HIVEP3: variants seen among roughly 807,000 people sequenced by gnomAD.
HIVEP3 encodes HIVEP zinc finger 3, also known as transcription factor HIVEP3.
HIVEP3 carries 49 observed loss-of-function variants against 152.8 expected under a neutral mutation model. That is an observed-to-expected ratio of 0.32 (90% confidence interval 0.26 to 0.41). The LOEUF (loss-of-function observed/expected upper bound fraction) is 0.41. Among genes scored for constraint, HIVEP3 ranks in the 10% least tolerant of loss-of-function variants. The pLI, the probability that HIVEP3 is intolerant of heterozygous loss-of-function variation, is 1.00. For synonymous variants in HIVEP3, 1,269 were observed against 1,289.0 expected (o/e 0.98, Z 0.33); for missense variants, 2,790 against 3,103.3 (o/e 0.90, Z 2.40).
Position 41,607,593 on chromosome 1 carries a change from CT to C in HIVEP3, c.-522+21155del, listed in dbSNP as rs1191196930. ...CTGTTTCCTTTGAAATAAGCTCTTC[CT>C]TTTTTTTTTCTTTTTTCCATTTTAG... On this transcript the variant is annotated intron_variant, in intron 3 of 8. Transcript: ENST00000372583. Among the ~76,000 whole-genome samples the C allele has an allele frequency of 5.7e-4, 85 of 148,934 alleles. 1 individual carries two copies. Among genetic ancestry groups the C allele is most frequent in the African/African-American group, 1.7e-3 (69 of 40,646 alleles).
intron 7 of HIVEP3, among the ~76,000 whole-genome samples, chr1:41,515,834 G>GT (rs1355527147): frequency 6.6e-6 from 1 of 152,280 alleles, no homozygotes; most frequent in African/African-American, 2.4e-5. Context: ...CTGGCACACA[G>GT]TAAGTACCCA....
At chr1:41,901,002 G>A (rs1031853307) in intron 1 of HIVEP3, among the ~76,000 whole-genome samples, 3 of 152,122 alleles carry the variant, frequency 2.0e-5, no homozygotes, top group Non-Finnish European at 4.4e-5. Context: ...GGAATCTCCT[G>A]CAGCAGTCAA....
intron 1 of HIVEP3, among the ~76,000 whole-genome samples, chr1:41,861,463 G>T (rs1292576300): frequency 1.3e-5 from 2 of 152,256 alleles, no homozygotes; most frequent in Non-Finnish European, 2.9e-5. Context: ...CAAGAGGGCA[G>T]CTGGCATTTT....
At position 41,510,971 on chromosome 1, in the gene HIVEP3, CCT is replaced by C. The variant is rs1197843781; in HGVS notation, c.6699_6700del (p.Ala2235ProfsTer13). On this transcript the variant is annotated frameshift_variant, in exon 9 of 9. Coordinates refer to ENST00000372583, the MANE Select transcript of HIVEP3 (RefSeq NM_024503.5). LOFTEE classifies it high-confidence loss of function. Reference sequence around the variant, plus strand: ...GCCTCGCTCCTGGGCCTCCCGGGCCCCTGTCAGGTCGCTGCCACCCCCGGAGA... The same window carrying C: ...GCCTCGCTCCTGGGCCTCCCGGGCCCGTCAGGTCGCTGCCACCCCCGGAGA... 1.7e-5 allele frequency: 28 copies of C among 1,613,408 alleles called. No homozygotes were observed. The highest frequency in any genetic ancestry group is 4.5e-5 in the East Asian group (2 of 44,876).
intron 1 of HIVEP3, among the ~76,000 whole-genome samples, chr1:41,798,891 T>C (rs1395636224): frequency 1.3e-5 from 2 of 152,214 alleles, no homozygotes; most frequent in African/African-American, 2.4e-5. Context: ...GCTTGACTCT[T>C]GTAATATCAT....
intron 1 of HIVEP3, among the ~76,000 whole-genome samples, chr1:42,007,263 T>C (rs1645465407): frequency 6.6e-6 from 1 of 152,212 alleles, no homozygotes; most frequent in Non-Finnish European, 1.5e-5. Context: ...GGGATGTGAA[T>C]ACCCCAGTCC....
intron 1 of HIVEP3, among the ~76,000 whole-genome samples, chr1:41,974,982 A>G (rs138215606): frequency 6.6e-6 from 1 of 152,136 alleles, no homozygotes; most frequent in African/African-American, 2.4e-5. Context: ...AGCTGAGTCC[A>G]TTTCTGGGCA....
At chr1:41,957,219 TAA>T (rs1645144796) in intron 1 of HIVEP3, among the ~76,000 whole-genome samples, 2 of 116,502 alleles carry the variant, frequency 1.7e-5, no homozygotes, top group African/African-American at 2.8e-5. Flanking sequence ...CCAAAAAAAC[TAA>T]AAGTTTTGCC....
At chr1:41,874,743 T>C (rs1644139607) in intron 1 of HIVEP3, among the ~76,000 whole-genome samples, 2 of 152,132 alleles carry the variant, frequency 1.3e-5, no homozygotes, top group African/African-American at 4.8e-5. Flanking sequence ...CCATGGCTGA[T>C]TTTACAGACA....
intron 5 of HIVEP3, among the ~76,000 whole-genome samples, chr1:41,535,125 A>G (rs1289027057): frequency 6.6e-6 from 1 of 152,120 alleles, no homozygotes; most frequent in African/African-American, 2.4e-5. Flanking sequence ...CCCAGCCAGC[A>G]ATTTTACCAC....
intron 3 of HIVEP3, among the ~76,000 whole-genome samples, chr1:41,595,749 C>T (rs1316544092): frequency 6.6e-6 from 1 of 152,136 alleles, no homozygotes; most frequent in Non-Finnish European, 1.5e-5. Context: ...AGGATAAAAG[C>T]AGGTAGAAGA....
chr1:42,019,196 A>G (rs1406486087), intron 1 of HIVEP3, among the ~76,000 whole-genome samples: 1 of 152,036 alleles, frequency 6.6e-6, no homozygotes, highest in African/African-American at 2.4e-5. Context: ...CCTCCTTCAT[A>G]TTCTTAATTA....
intron 2 of HIVEP3, among the ~76,000 whole-genome samples, chr1:41,696,498 C>T (rs72669087): frequency 1.6e-3 from 242 of 152,382 alleles, no homozygotes; most frequent in Non-Finnish European, 2.6e-3. Context: ...GTGCAGGCCC[C>T]AAGGCCAGCG....
chr1:41,524,635 C>G (rs1482848817), intron 6 of HIVEP3, 100 bp downstream of exon 6: 1 of 1,113,000 alleles, frequency 9.0e-7, no homozygotes, highest in Non-Finnish European at 1.4e-6. Flanking sequence ...GCTCCAGGCC[C>G]CCTGCAAAGA....
At chr1:41,882,136 ATG>A (rs1045668971) in intron 1 of HIVEP3, among the ~76,000 whole-genome samples, 1 of 152,216 alleles carries the variant, frequency 6.6e-6, no homozygotes, top group African/African-American at 2.4e-5. Flanking sequence ...TTTAAGGAAT[ATG>A]TCCCTTTTCT....
intron 2 of HIVEP3, among the ~76,000 whole-genome samples, chr1:41,677,032 A>C (rs1259334499): frequency 6.6e-6 from 1 of 152,212 alleles, no homozygotes; most frequent in Non-Finnish European, 1.5e-5. Flanking sequence ...TGAGACTGAG[A>C]TCAACACGAA....
intron 1 of HIVEP3, among the ~76,000 whole-genome samples, chr1:41,809,168 CTAAAA>C (rs1650802374): frequency 6.6e-6 from 1 of 152,168 alleles, no homozygotes; most frequent in South Asian, 2.1e-4. Context: ...GTGCTGAGAC[CTAAAA>C]TATTCCCTTC....
At position 41,957,136 on chromosome 1, in the gene HIVEP3, T is replaced by C. The variant is rs1159174320; in HGVS notation, n.120-38612A>G. 2.6e-5 allele frequency among the ~76,000 whole-genome samples: 4 copies of C among 152,330 alleles called. No individual in the cohort carries two copies. In the East Asian group the frequency reaches 7.7e-4, roughly 29 times the overall value. On this transcript the variant is annotated intron_variant and non_coding_transcript_variant, in intron 1 of 3. Transcript: ENST00000489103. ...AAGGCAGTAATTTATATTTTTACTATACTTTCTTAAAGTCTACCTCCCACT... is the reference window on the plus strand; with the variant it reads ...AAGGCAGTAATTTATATTTTTACTACACTTTCTTAAAGTCTACCTCCCACT...
intron 3 of HIVEP3, among the ~76,000 whole-genome samples, chr1:41,597,124 C>A (rs1298659737): frequency 6.6e-6 from 1 of 152,046 alleles, no homozygotes; most frequent in African/African-American, 2.4e-5. Context: ...GGAATTTCTG[C>A]ACACTGGTCA....
Sources: gnomAD v4.1 joint callset for allele counts (sites outside exome capture counted in the v4.1 genomes callset) on GRCh38, gnomAD v4.1.1 for gene constraint, MANE v1.5 for transcripts, NCBI Gene and HGNC (gene_info 2026-07-23, HGNC 2026-07-21) for gene names.